LCOR: variants seen among roughly 807,000 people sequenced by gnomAD.
LCOR encodes ligand-dependent corepressor.
In LCOR, 14 loss-of-function variants were observed where a neutral mutation model predicts 64.4. The ratio of observed to expected loss-of-function variants is 0.22; its 90% CI spans 0.14 to 0.34. LCOR has a LOEUF of 0.34. LCOR is among the 10% of genes least tolerant of loss of function. The pLI is 1.00. For missense variants in LCOR, 1,686 were observed against 1,765.3 expected, an observed-to-expected ratio of 0.96 and a Z score of 0.80; for synonymous variants, 643 against 642.5, an observed-to-expected ratio of 1.00 and a Z score of -0.01.
intron 7 of LCOR, among the ~76,000 whole-genome samples, chr10:96,978,227 T>C (rs1848053749): frequency 6.6e-6 from 1 of 152,192 alleles, no homozygotes; most frequent in Non-Finnish European, 1.5e-5. Context: ...GTACATCTCA[T>C]TGAGTCGGAA....
chr10:96,957,136 A>G (rs1847796968), intron 7 of LCOR: 1 of 985,106 alleles, frequency 1.0e-6, no homozygotes. Flanking sequence ...TGATCCAAAT[A>G]CTAGTAGAAG....
chr10:96,903,183 G>A (rs1197691353), intron 2 of LCOR, among the ~76,000 whole-genome samples: 7 of 152,178 alleles, frequency 4.6e-5, no homozygotes, highest in African/African-American at 4.8e-5. Context: ...CAGTGAGTAA[G>A]TGGTAAGGGA....
chr10:96,930,451 A>T (rs1193415533), intron 4 of LCOR, among the ~76,000 whole-genome samples: 1 of 152,160 alleles, frequency 6.6e-6, no homozygotes, highest in Admixed American at 6.5e-5. Flanking sequence ...TTGTATTGAA[A>T]CTTCGATTAA....
At chr10:96,901,615 T>C (rs115485881) in intron 2 of LCOR, among the ~76,000 whole-genome samples, 2,646 of 152,312 alleles carry the variant, frequency 0.017, 71 homozygotes, top group African/African-American at 0.058. Context: ...CGTTCATTCT[T>C]TGCCTTTTCT....
rs914198101 is a variant in LCOR, at chr10:96,991,106, C to T, written c.*5972C>T. 1.3e-5 allele frequency: 2 copies of T among 149,460 alleles called. No homozygotes were observed. Among genetic ancestry groups the T allele is most frequent in the African/African-American group, 4.9e-5 (2 of 40,538 alleles). 9.3% of individuals were successfully genotyped at this position (149,460 alleles called of 1,614,324 possible). On this transcript the variant is annotated 3_prime_UTR_variant, in exon 8 of 8. Coordinates refer to ENST00000421806, the MANE Select transcript of LCOR (RefSeq NM_001346516.2). ...ACTTCCTGACCCTTTTGTGGAAAAG[C>T]TCTACTGATCCTTATAGTAGTCATT...
In LCOR at chr10:96,980,951, A is replaced by G; in HGVS notation, c.491A>G (p.Gln164Arg). 1.4e-6 allele frequency: 1 copy of G among 703,084 alleles called. No individual in the cohort carries two copies. The highest frequency in any genetic ancestry group is 2.7e-5 in the East Asian group (1 of 37,300). 43.6% of individuals were successfully genotyped at this position (703,084 alleles called of 1,614,324 possible). A position where few individuals can be genotyped will look rare whatever the true frequency, so the allele number is the denominator to read the frequency against. ...TESQPGTEDL[Q>R]PSDSGAMDVS... ...TCTCAACCAGGCACTGAGGACCTGC[A>G]GCCTTCTGATTCGGGAGCAATGGAT... The change falls in exon 8 of 8, where the codon CAG becomes CGG. Residue 164 changes from glutamine to arginine, a missense_variant. Gln to Arg is a conservative substitution (Grantham distance 43). Around this residue, in one of 3 missense-constraint regions of LCOR, gnomAD observed 313 missense variants for 247.2 expected, o/e 1.27. Coordinates refer to ENST00000421806, the MANE Select transcript of LCOR (RefSeq NM_001346516.2).
chr10:96,885,300 A>T (rs192198089), intron 2 of LCOR, among the ~76,000 whole-genome samples: 5 of 152,302 alleles, frequency 3.3e-5, no homozygotes, highest in African/African-American at 9.6e-5. Context: ...GCATGTTTTT[A>T]AAAATTGCAT....
rs190971389 is a variant in LCOR at position 96,894,272 on chromosome 10, A to G, written c.-329-12993A>G. On this transcript the variant is annotated intron_variant, in intron 2 of 7. Transcript: ENST00000421806. Reference sequence around the variant, plus strand: ...ACGCCCAGCTAAAATTTGCATTTTTAGTAGAGGTGGGATTTCACCATGTCT... The same window carrying G: ...ACGCCCAGCTAAAATTTGCATTTTTGGTAGAGGTGGGATTTCACCATGTCT... Among the ~76,000 whole-genome samples the G allele has an allele frequency of 1.7e-3, 257 of 152,184 alleles. 1 individual carries two copies. Among genetic ancestry groups the G allele is most frequent in the Non-Finnish European group, 1.0e-4 (7 of 68,014 alleles).
intron 2 of LCOR, among the ~76,000 whole-genome samples, chr10:96,864,489 T>G (rs766316130): frequency 6.6e-6 from 1 of 152,190 alleles, no homozygotes; most frequent in African/African-American, 2.4e-5. Context: ...TATGGGGATA[T>G]GGTGATGTGC....
chr10:96,833,752 C>T (rs1318179206), intron 2 of LCOR, among the ~76,000 whole-genome samples: 1 of 152,236 alleles, frequency 6.6e-6, no homozygotes, highest in Non-Finnish European at 1.5e-5. Context: ...TTCGCTTGGG[C>T]CCCTCATTCC....
rs191002508 is a variant in LCOR, at chr10:96,950,160, C to T, written c.238+865C>T. 1.7e-3 allele frequency among the ~76,000 whole-genome samples: 265 copies of T among 152,164 alleles called. 4 individuals are homozygous for T. Among genetic ancestry groups the T allele is most frequent in the Non-Finnish European group, 4.7e-4 (32 of 67,948 alleles). The stretch of plus-strand genomic sequence containing the variant: ...AAATCTTGAGTATACAGAAAGGTTA[C>T]GAGATTTATTGTAACCTTTATTTAT... On this transcript the variant is annotated intron_variant, in intron 6 of 7. Coordinates refer to ENST00000421806, the MANE Select transcript of LCOR (RefSeq NM_001346516.2).
rs751767388 is a variant in LCOR at position 96,949,175 on chromosome 10, A to G, written c.118A>G (p.Thr40Ala). 4 of 1,613,934 alleles carry G rather than the reference A, an allele frequency of 2.5e-6. No homozygotes were observed. The Admixed American group carries it at 6.7e-5, about 27-fold the overall frequency. Reference protein sequence around the residue: ...NQSLPKASPVTTSPTAATTQN... With the variant: ...NQSLPKASPVATSPTAATTQN... ...AAGCCTGCCGAAAGCATCTCCAGTC[A>G]CCACCTCTCCCACGGCTGCAACTAC... The change falls in exon 6 of 8, where the codon ACC (threonine) becomes GCC (alanine). Residue 40 changes from threonine to alanine, a missense_variant. Transcript: ENST00000421806.
In LCOR at chr10:96,991,209, C is replaced by T. The variant is rs1848198286; in HGVS notation, c.*6075C>T. ...ATTTTTTTCATACAGTCCAGCAATT[C>T]TTTTAGATTTTAGAGTGTCTTGCCT... On this transcript the variant is annotated 3_prime_UTR_variant, in exon 8 of 8. Transcript: ENST00000421806. 6.6e-6 allele frequency: 1 copy of T among 151,544 alleles called. No individual in the cohort carries two copies. The highest frequency in any genetic ancestry group is 2.4e-5 in the African/African-American group (1 of 41,228). 9.4% of individuals were successfully genotyped at this position (151,544 alleles called of 1,614,324 possible).
Position 96,847,431 on chromosome 10 carries a change from T to C in LCOR, c.-330+13952T>C, listed in dbSNP as rs150308755. ...TTTTATTTATTTATTTATTTATTTA[T>C]TTACTTACTTATTTATTTATTTTTT... On this transcript the variant is annotated intron_variant, in intron 2 of 7. Coordinates refer to ENST00000421806, the MANE Select transcript of LCOR (RefSeq NM_001346516.2). Among the ~76,000 whole-genome samples the C allele has an allele frequency of 5.6e-3, 843 of 149,816 alleles. 8 individuals are homozygous for C. Among genetic ancestry groups the C allele is most frequent in the African/African-American group, 0.017 (713 of 40,888 alleles).
At chr10:96,970,653 A>ATTTTATTTTATTTATTTTATTTAT (rs1208672189) in intron 7 of LCOR, among the ~76,000 whole-genome samples, 2 of 140,798 alleles carry the variant, frequency 1.4e-5, no homozygotes, top group African/African-American at 5.3e-5. Flanking sequence ...ATTTTATTTT[A>ATTTTATTTTATTTATTTTATTTAT]TTTATTTTAT....
chr10:96,873,520 A>G (rs564542472), intron 2 of LCOR, among the ~76,000 whole-genome samples: 51 of 150,852 alleles, frequency 3.4e-4, no homozygotes, highest in African/African-American at 1.2e-3. Flanking sequence ...CTATATTTGA[A>G]TAGATACAGT....
At chr10:96,855,522 C>T (rs370263203) in intron 2 of LCOR, among the ~76,000 whole-genome samples, 23 of 151,950 alleles carry the variant, frequency 1.5e-4, no homozygotes, top group African/African-American at 4.4e-4. Context: ...GCAACCTCTG[C>T]CTCCCAGATT....
At chr10:96,929,674 G>A (rs1016239173) in intron 4 of LCOR, among the ~76,000 whole-genome samples, 2 of 152,138 alleles carry the variant, frequency 1.3e-5, no homozygotes, top group African/African-American at 4.8e-5. Flanking sequence ...TCCACAAGTT[G>A]GCTAACTGAC....
At chr10:96,905,277 A>C (rs1302246503) in intron 2 of LCOR, among the ~76,000 whole-genome samples, 1 of 152,146 alleles carries the variant, frequency 6.6e-6, no homozygotes, top group Non-Finnish European at 1.5e-5. Flanking sequence ...TCAGCCCGAA[A>C]ATTTGGAATT....
Sources: gnomAD v4.1 joint callset for allele counts (sites outside exome capture counted in the v4.1 genomes callset) on GRCh38, gnomAD v4.1.1 for gene constraint, gnomAD v4.1.1 regional missense constraint, MANE v1.5 for transcripts, NCBI Gene and HGNC (gene_info 2026-07-23, HGNC 2026-07-21) for gene names.